Variants in SCARA3 observed in about 807,000 individuals in gnomAD.
SCARA3 encodes cellular stress response gene protein.
SCARA3 carries 39 observed loss-of-function variants against 47.0 expected under a neutral mutation model. That is an observed-to-expected ratio of 0.83 (90% CI 0.64 to 1.08). SCARA3 has a LOEUF of 1.08. SCARA3 is among the 50% of genes least tolerant of loss of function. The probability of loss-of-function intolerance (pLI) is 0.00; values close to 1 mark genes in which losing one functional copy is unlikely to be tolerated. For missense variants in SCARA3, 724 were observed against 792.3 expected, an observed-to-expected ratio of 0.91 and a Z score of 1.04; for synonymous variants, 356 against 334.1, an observed-to-expected ratio of 1.07 and a Z score of -0.71.
At position 27,671,126 on chromosome 8, in the gene SCARA3, G is replaced by A. The variant is rs997156390; in HGVS notation, c.1596G>A (p.Gly532=). The A allele has an allele frequency of 8.8e-6, 14 of 1,583,414 alleles. No individual in the cohort carries two copies. Among genetic ancestry groups the A allele is most frequent in the Admixed American group, 5.5e-5 (3 of 54,132 alleles). ...CAAAGGGCAGCTTTGGAACTGGAGG[G>A]CCGAGAGGACAGCCAGGCCCAAAAG... is the stretch of plus-strand genomic sequence containing the variant. ...KGSKGSFGTG[G]PRGQPGPKGD... Residue 532 remains glycine (G), a synonymous_variant, in exon 6 of 6, where the codon GGG becomes GGA. Coordinates refer to ENST00000301904, the MANE Select transcript of SCARA3 (RefSeq NM_016240.3).
At chr8:27,709,963 G>T in the SCARA3 span, among the ~76,000 whole-genome samples, 1 of 152,174 alleles carries the variant, frequency 6.6e-6, no homozygotes, top group African/African-American at 2.4e-5. Flanking sequence ...AAAGAGAGAC[G>T]CTGACGCCTG....
rs1351158564 is a variant in SCARA3, at chr8:27,672,245, T to G, written c.*894T>G. 1 of 985,408 alleles carries G rather than the reference T, an allele frequency of 1.0e-6. No individual in the cohort carries two copies. The highest frequency in any genetic ancestry group is 1.7e-5 in the African/African-American group (1 of 57,244). The allele number at this position is 985,408 out of a possible 1,614,324, so 61.0% of individuals were successfully genotyped here. On this transcript the variant is annotated 3_prime_UTR_variant, in exon 6 of 6. Coordinates refer to ENST00000301904, the MANE Select transcript of SCARA3 (RefSeq NM_016240.3). ...TTTCTTCACGTGTCCAGAAAATTCC[T>G]CAATTCATCCTTGCCTCTGCCCTTC... is the stretch of plus-strand genomic sequence containing the variant.
the SCARA3 span, among the ~76,000 whole-genome samples, chr8:27,720,734 A>T: frequency 6.6e-6 from 1 of 151,576 alleles, no homozygotes; most frequent in Non-Finnish European, 1.5e-5. Context: ...TCACCTATTT[A>T]TCCACTCGTC....
At chr8:27,730,701 G>A in the SCARA3 span, among the ~76,000 whole-genome samples, 9 of 151,804 alleles carry the variant, frequency 5.9e-5, no homozygotes, top group Non-Finnish European at 2.9e-5. Context: ...CGTTGCCCAG[G>A]CTGGTCTTGA....
the SCARA3 span, among the ~76,000 whole-genome samples, chr8:27,706,706 G>A: frequency 1.3e-5 from 2 of 152,152 alleles, no homozygotes; most frequent in African/African-American, 4.8e-5. Flanking sequence ...TGTTGGAGAG[G>A]GAGAATGGAT....
downstream of SCARA3, chr8:27,676,651 G>A (rs374349708): frequency 7.1e-5 from 81 of 1,146,824 alleles, no homozygotes; most frequent in African/African-American, 1.0e-3. Flanking sequence ...ATTTGAAAAT[G>A]AATTTGTTTA....
rs34919189 is a variant in SCARA3 at position 27,672,551 on chromosome 8, G to A, written c.*1200G>A. ...GCTCTCCTGATCACAGCTGCATGCCGACCTTGTCCCACCGGGACCCACAAT... is the reference window on the plus strand; with the variant it reads ...GCTCTCCTGATCACAGCTGCATGCCAACCTTGTCCCACCGGGACCCACAAT... On this transcript the variant is annotated 3_prime_UTR_variant, in exon 6 of 6. Transcript: ENST00000301904. 120 of 985,686 alleles carry A rather than the reference G, an allele frequency of 1.2e-4. No individual in the cohort carries two copies. The highest frequency in any genetic ancestry group is 5.2e-4 in the Middle Eastern group (1 of 1,918). 61.1% of individuals were successfully genotyped at this position (985,686 alleles called of 1,614,324 possible). A position where few individuals can be genotyped will look rare whatever the true frequency, so the allele number is the denominator to read the frequency against.
At chr8:27,718,609 A>G in the SCARA3 span, among the ~76,000 whole-genome samples, 1 of 152,204 alleles carries the variant, frequency 6.6e-6, no homozygotes, top group Non-Finnish European at 1.5e-5. Flanking sequence ...ATTTATTGGG[A>G]AAACTATCTA....
intron 5 of SCARA3, among the ~76,000 whole-genome samples, chr8:27,668,169 C>T (rs937970105): frequency 8.5e-5 from 13 of 152,138 alleles, no homozygotes; most frequent in African/African-American, 2.7e-4. Flanking sequence ...CAGAGCTTTC[C>T]GGGAAAGAGG....
chr8:27,684,901 T>TAA, the SCARA3 span, among the ~76,000 whole-genome samples: 100 of 151,244 alleles, frequency 6.6e-4, no homozygotes, highest in Non-Finnish European at 1.1e-3. Flanking sequence ...GACACTTCTC[T>TAA]AAAAAAAATT....
chr8:27,726,738 C>A, the SCARA3 span, among the ~76,000 whole-genome samples: 1 of 152,030 alleles, frequency 6.6e-6, no homozygotes, highest in Non-Finnish European at 1.5e-5. Context: ...ATTCTGAAAC[C>A]AAAGAGATTT....
chr8:27,636,117 C>G (rs889349572), intron 1 of SCARA3, among the ~76,000 whole-genome samples: 1 of 152,238 alleles, frequency 6.6e-6, no homozygotes, highest in African/African-American at 2.4e-5. Context: ...ACTGAGACAC[C>G]TTTGCAGCTG....
At chr8:27,718,522 C>T in the SCARA3 span, among the ~76,000 whole-genome samples, 9 of 152,210 alleles carry the variant, frequency 5.9e-5, no homozygotes, top group South Asian at 2.1e-4. Context: ...GTGAAGACCT[C>T]GCACTCCAGC....
At position 27,649,803 on chromosome 8, in the gene SCARA3, A is replaced by T; in HGVS notation, c.106+3A>T. ...GACCTTCCCATGCACCCAGAAGGGT[A>T]AGGACTCTGGGGCTGCCCCTGATCT... On this transcript the variant is annotated splice_donor_region_variant and intron_variant, in intron 2 of 5. Coordinates refer to ENST00000301904, the MANE Select transcript of SCARA3 (RefSeq NM_016240.3). The T allele has an allele frequency of 6.2e-7, 1 of 1,611,756 alleles. No individual in the cohort carries two copies. The highest frequency in any genetic ancestry group is 1.1e-5 in the South Asian group (1 of 90,856).
At chr8:27,637,564 G>A (rs2128914090) in intron 1 of SCARA3, among the ~76,000 whole-genome samples, 1 of 152,218 alleles carries the variant, frequency 6.6e-6, no homozygotes, top group Admixed American at 6.5e-5. Flanking sequence ...CTGCGCCTGA[G>A]CACCACTTGG....
intron 1 of SCARA3, among the ~76,000 whole-genome samples, chr8:27,643,289 A>G (rs1172511528): frequency 6.6e-6 from 1 of 152,204 alleles, no homozygotes; most frequent in African/African-American, 2.4e-5. Flanking sequence ...GGAGGCAGCC[A>G]AAGGGATTCA....
At position 27,671,539 on chromosome 8, in the gene SCARA3, CACAT is replaced by C. The variant is rs1802156731; in HGVS notation, c.*193_*196del. The C allele has an allele frequency of 7.7e-7, 1 of 1,291,414 alleles. No individual in the cohort carries two copies. The highest frequency in any genetic ancestry group is 9.8e-7 in the Non-Finnish European group (1 of 1,024,722). 80.0% of individuals were successfully genotyped at this position (1,291,414 alleles called of 1,614,324 possible). On this transcript the variant is annotated 3_prime_UTR_variant, in exon 6 of 6. Coordinates refer to ENST00000301904, the MANE Select transcript of SCARA3 (RefSeq NM_016240.3). Reference sequence around the variant, plus strand: ...GCCATAGGAAAGCAGCCCCTCCTCACACATACATGTGCACATGCACACACATGCA... The same window carrying C: ...GCCATAGGAAAGCAGCCCCTCCTCACACATGTGCACATGCACACACATGCA...
chr8:27,672,064 C>A lies in SCARA3; in HGVS notation c.*713C>A. The A allele has an allele frequency of 3.0e-6, 3 of 985,432 alleles. No individual in the cohort carries two copies. Among genetic ancestry groups the A allele is most frequent in the African/African-American group, 1.7e-5 (1 of 57,348 alleles). 61.0% of individuals were successfully genotyped at this position (985,432 alleles called of 1,614,324 possible). On this transcript the variant is annotated 3_prime_UTR_variant, in exon 6 of 6. Transcript: ENST00000301904. ...CGGGTGGGGCGTTACTGCCAAAACT[C>A]CAGAGGCAAAGTGGACCTGGCAACC...
At chr8:27,713,127 T>C in the SCARA3 span, among the ~76,000 whole-genome samples, 1 of 152,260 alleles carries the variant, frequency 6.6e-6, no homozygotes, top group African/African-American at 2.4e-5. Context: ...ACAGCTTTTA[T>C]AGCAAAAGAT....
Sources: gnomAD v4.1 joint callset for allele counts (sites outside exome capture counted in the v4.1 genomes callset) on GRCh38, gnomAD v4.1.1 for gene constraint, MANE v1.5 for transcripts, NCBI Gene and HGNC (gene_info 2026-07-23, HGNC 2026-07-21) for gene names.